The following NEK5 variants were observed in gnomAD, a reference collection of about 807,000 sequenced individuals.
NEK5 encodes the protein NIMA related kinase 5, also known as serine/threonine-protein kinase Nek5.
In NEK5, 88 loss-of-function variants were observed where a neutral mutation model predicts 109.2. That is an observed-to-expected ratio of 0.81 (90% CI 0.68 to 0.96). The LOEUF is 0.96. NEK5 is among the 40% of genes least tolerant of loss of function. The pLI is 0.00. For missense variants in NEK5, 834 were observed against 920.7 expected, an observed-to-expected ratio of 0.91 and a Z score of 1.22; for synonymous variants, 283 against 299.9, an observed-to-expected ratio of 0.94 and a Z score of 0.58.
At chr13:52,060,474 C>T (rs1954603183) in intron 22 of NEK5, among the ~76,000 whole-genome samples, 1 of 152,128 alleles carries the variant, frequency 6.6e-6, no homozygotes, top group South Asian at 2.1e-4. Context: ...CCTGCCTCAA[C>T]CTCCCAAGTA....
chr13:52,053,819 T>A (rs1954529078), intron 22 of NEK5, among the ~76,000 whole-genome samples: 1 of 152,166 alleles, frequency 6.6e-6, no homozygotes, highest in South Asian at 2.1e-4. Context: ...TCCGAAGTGG[T>A]TTTATTAAGG....
intron 12 of NEK5, among the ~76,000 whole-genome samples, chr13:52,097,663 C>G (rs1200798246): frequency 1.3e-5 from 2 of 151,772 alleles, no homozygotes; most frequent in African/African-American, 4.8e-5. Flanking sequence ...TACAGCCTCA[C>G]AGGTGGAAGG....
intron 5 of NEK5, among the ~76,000 whole-genome samples, chr13:52,111,922 T>C (rs1169138366): frequency 2.0e-5 from 3 of 152,120 alleles, no homozygotes; most frequent in Non-Finnish European, 4.4e-5. Flanking sequence ...GAGAAAACAG[T>C]GAAGCTATAA....
At chr13:52,098,746 A>C (rs1955470376) in intron 12 of NEK5, among the ~76,000 whole-genome samples, 1 of 152,238 alleles carries the variant, frequency 6.6e-6, no homozygotes, top group African/African-American at 2.4e-5. Flanking sequence ...AATTTCAGTT[A>C]TAAAAAGAAA....
Position 52,083,303 on chromosome 13 carries a change from AG to A in NEK5, c.1528del (p.Leu510CysfsTer21). On this transcript the variant is annotated frameshift_variant, in exon 17 of 24. Transcript: ENST00000684899. LOFTEE classifies it high-confidence loss of function. ...CTCAGATGCATCTTGATGGACAGGC[AG>A]GTTACTCTTCTTCACCAAATAGGTT... ...HKTYLVKKSN[L>X]PVHQDASEGE... 7 of 1,613,432 alleles carry A rather than the reference AG, an allele frequency of 4.3e-6. No homozygotes were observed. The highest frequency in any genetic ancestry group is 5.9e-6 in the Non-Finnish European group (7 of 1,179,374).
At chr13:52,121,131 TG>T (rs1955961284) in intron 3 of NEK5, among the ~76,000 whole-genome samples, 2 of 150,840 alleles carry the variant, frequency 1.3e-5, no homozygotes, top group South Asian at 4.2e-4. Context: ...TTCATTTTTG[TG>T]GGGGGTCTGT....
At chr13:52,055,769 G>A (rs1954549015) in intron 22 of NEK5, among the ~76,000 whole-genome samples, 2 of 151,824 alleles carry the variant, frequency 1.3e-5, no homozygotes, top group Non-Finnish European at 2.9e-5. Context: ...GTCACCACCG[G>A]CCTGCCCTAC....
intron 17 of NEK5, 53 bp downstream of exon 17, chr13:52,083,206 TG>T: frequency 8.1e-7 from 1 of 1,230,572 alleles, no homozygotes; most frequent in South Asian, 1.2e-5. Context: ...AAGAGCCACT[TG>T]GGGTAGAGCA....
In NEK5 at chr13:52,101,983, A is replaced by G. The variant is rs949884258; in HGVS notation, c.842T>C (p.Ile281Thr). 6.2e-7 allele frequency: 1 copy of G among 1,614,204 alleles called. No homozygotes were observed. The highest frequency in any genetic ancestry group is 8.5e-7 in the Non-Finnish European group (1 of 1,180,036). Residue 281 changes from isoleucine to threonine, a missense_variant, in exon 11 of 24, where the codon ATA becomes ACA. Around this residue, in one of 2 missense-constraint regions of NEK5, gnomAD observed 777 missense variants for 824.7 expected, o/e 0.94. Coordinates refer to ENST00000684899, the MANE Select transcript of NEK5 (RefSeq NM_001365552.1). ...AGAAGCTGGCGCTCCTGCTCTGCAT[A>G]TAAGCATGTGACTGAATTCTTCCTG... Reference protein sequence around the residue: ...VIQEEFSHMLICRAGAPASRH... With the variant: ...VIQEEFSHMLTCRAGAPASRH...
chr13:52,122,969 T>C (rs1442719891), intron 3 of NEK5, among the ~76,000 whole-genome samples: 1 of 152,218 alleles, frequency 6.6e-6, no homozygotes, highest in Non-Finnish European at 1.5e-5. Flanking sequence ...ACATTTTTAT[T>C]TTCACAATTG....
At chr13:52,039,638 T>C (rs1380678460) in intron 23 of NEK5, among the ~76,000 whole-genome samples, 4 of 152,216 alleles carry the variant, frequency 2.6e-5, no homozygotes, top group Non-Finnish European at 5.9e-5. Flanking sequence ...TTCATATACA[T>C]TTGACTTCAT....
chr13:52,121,505 G>T (rs1242574733), intron 3 of NEK5, among the ~76,000 whole-genome samples: 1 of 152,030 alleles, frequency 6.6e-6, no homozygotes, highest in Non-Finnish European at 1.5e-5. Context: ...ATAATAAAAG[G>T]GTACAGAAGA....
Position 52,034,888 on chromosome 13 carries a change from T to TTC in NEK5, c.*2059_*2060insGA, listed in dbSNP as rs1257429217. 2 of 147,982 alleles carry TTC rather than the reference T, an allele frequency of 1.4e-5. No homozygotes were observed. The highest frequency in any genetic ancestry group is 3.0e-5 in the Non-Finnish European group (2 of 67,066). 9.2% of individuals were successfully genotyped at this position (147,982 alleles called of 1,614,324 possible). A position where few individuals can be genotyped will look rare whatever the true frequency, so the allele number is the denominator to read the frequency against. ...TTAAACATTCTTTTTTTTCTTTTTT[T>TTC]TTTTTTTTTTTGCCCTTAATTGACT... On this transcript the variant is annotated 3_prime_UTR_variant, in exon 24 of 24. Coordinates refer to ENST00000684899, the MANE Select transcript of NEK5 (RefSeq NM_001365552.1).
chr13:52,049,674 A>T (rs1006559937), intron 23 of NEK5, among the ~76,000 whole-genome samples: 1 of 151,930 alleles, frequency 6.6e-6, no homozygotes, highest in African/African-American at 2.4e-5. Flanking sequence ...ACTAAAAAAA[A>T]AAAAAAATTG....
intron 5 of NEK5, 28 bp from the exon 6 acceptor site, chr13:52,110,605 C>T (rs1287741108): frequency 1.4e-6 from 2 of 1,392,692 alleles, no homozygotes; most frequent in South Asian, 1.2e-5. Context: ...AACAAAGCCA[C>T]TGAATAGCCT....
At chr13:52,084,346 T>C (rs753613282) in intron 16 of NEK5, among the ~76,000 whole-genome samples, 4 of 152,044 alleles carry the variant, frequency 2.6e-5, no homozygotes, top group Admixed American at 2.6e-4. Context: ...GCCTCCTGAG[T>C]AGCTGGGACT....
At chr13:52,099,197 T>G (rs1451874943) in intron 12 of NEK5, among the ~76,000 whole-genome samples, 1 of 152,172 alleles carries the variant, frequency 6.6e-6, no homozygotes, top group Non-Finnish European at 1.5e-5. Context: ...ACACTTACTA[T>G]GTACCCACAA....
chr13:52,046,366 A>C, intron 23 of NEK5, among the ~76,000 whole-genome samples: 1 of 150,778 alleles, frequency 6.6e-6, no homozygotes. Flanking sequence ...ACTCCCAGCC[A>C]CTCAGGAGGC....
intron 23 of NEK5, among the ~76,000 whole-genome samples, chr13:52,049,110 A>G (rs1288982572): frequency 2.0e-5 from 3 of 152,170 alleles, no homozygotes; most frequent in East Asian, 3.8e-4. Flanking sequence ...TATTAATACA[A>G]TTTTTATTTG....
Sources: gnomAD v4.1 joint callset for allele counts (sites outside exome capture counted in the v4.1 genomes callset) on GRCh38, gnomAD v4.1.1 for gene constraint, gnomAD v4.1.1 regional missense constraint, MANE v1.5 for transcripts, NCBI Gene and HGNC (gene_info 2026-07-23, HGNC 2026-07-21) for gene names.